CCSER1: variants seen among roughly 807,000 people sequenced by gnomAD.
The protein encoded by CCSER1 is serine-rich coiled-coil domain-containing protein 1.
CCSER1 carries 41 observed loss-of-function variants against 82.0 expected under a neutral mutation model. The ratio of observed to expected loss-of-function variants is 0.50; its 90% CI spans 0.39 to 0.65. The LOEUF (loss-of-function observed/expected upper bound fraction) is 0.65. CCSER1 is among the 30% of genes least tolerant of loss of function. CCSER1 has a pLI of 0.00. For missense variants in CCSER1, 1,119 were observed against 1,064.2 expected (o/e 1.05, Z -0.72); for synonymous variants, 414 against 383.9 (o/e 1.08, Z -0.92).
At chr4:90,561,453 A>C (rs969963361) in intron 5 of CCSER1, among the ~76,000 whole-genome samples, 5 of 152,234 alleles carry the variant, frequency 3.3e-5, no homozygotes, top group African/African-American at 1.2e-4. Flanking sequence ...TCATATAGTC[A>C]AATAGCTCCC....
chr4:91,552,456 T>C (rs2110227977), intron 10 of CCSER1, among the ~76,000 whole-genome samples: 1 of 151,776 alleles, frequency 6.6e-6, no homozygotes, highest in African/African-American at 2.4e-5. Flanking sequence ...ATTAACAAGA[T>C]CATTATACAG....
chr4:91,291,644 C>G (rs183025811), intron 10 of CCSER1, among the ~76,000 whole-genome samples: 1 of 151,902 alleles, frequency 6.6e-6, no homozygotes, highest in African/African-American at 2.4e-5. Flanking sequence ...CTTGCTATCA[C>G]GAGAACAGCA....
intron 8 of CCSER1, among the ~76,000 whole-genome samples, chr4:90,863,539 C>T (rs546430035): frequency 1.2e-4 from 18 of 151,718 alleles, no homozygotes; most frequent in East Asian, 5.8e-4. Flanking sequence ...TTTTTCTTTG[C>T]GTTTCTTTTT....
At chr4:90,795,984 T>TG (rs1755953021) in intron 7 of CCSER1, among the ~76,000 whole-genome samples, 1 of 150,146 alleles carries the variant, frequency 6.7e-6, no homozygotes, top group African/African-American at 2.5e-5. Context: ...CAGGTTTTGG[T>TG]GTCAGGATGA....
intron 10 of CCSER1, among the ~76,000 whole-genome samples, chr4:91,583,296 CTCTA>C (rs959967983): frequency 7.3e-5 from 11 of 151,258 alleles, no homozygotes; most frequent in African/African-American, 2.2e-4. Context: ...ATCAGTATTT[CTCTA>C]TAATATGCTA....
chr4:91,380,943 T>C (rs1750841290), intron 10 of CCSER1, among the ~76,000 whole-genome samples: 1 of 152,186 alleles, frequency 6.6e-6, no homozygotes, highest in African/African-American at 2.4e-5. Flanking sequence ...ACAGGCCTAG[T>C]GGTGACAAAA....
At chr4:91,006,546 G>A (rs995586939) in intron 9 of CCSER1, among the ~76,000 whole-genome samples, 1 of 150,878 alleles carries the variant, frequency 6.6e-6, no homozygotes, top group East Asian at 1.9e-4. Context: ...ATGGAGTGCA[G>A]TGGCGTGATC....
chr4:91,207,103 T>C (rs898226760), intron 10 of CCSER1, among the ~76,000 whole-genome samples: 3 of 151,876 alleles, frequency 2.0e-5, no homozygotes, highest in Non-Finnish European at 4.4e-5. Context: ...CATGGTGGCA[T>C]AATGAGTATT....
chr4:90,909,971 G>T (rs1342351235), intron 8 of CCSER1, among the ~76,000 whole-genome samples: 5 of 152,144 alleles, frequency 3.3e-5, no homozygotes, highest in Non-Finnish European at 7.4e-5. Flanking sequence ...AATTTGTAAA[G>T]AATAGAGGTT....
chr4:91,325,051 C>T, intron 10 of CCSER1: 1 of 397,778 alleles, frequency 2.5e-6, no homozygotes, highest in Non-Finnish European at 4.9e-6. Context: ...GCCATCGGAC[C>T]TGTGGGGCAA....
In CCSER1 at chr4:91,482,541, C is replaced by T. The variant is rs553993251; in HGVS notation, c.2218-116031C>T. Among the ~76,000 whole-genome samples the T allele has an allele frequency of 1.1e-3, 163 of 151,774 alleles. 1 individual carries two copies. The highest frequency in any genetic ancestry group is 3.7e-3 in the African/African-American group (155 of 41,352). Reference sequence around the variant, plus strand: ...CATTCTGGAAGACAGTGTGGTGATTCCTCAAGGATCTAGAACTAGAAATAC... The same window carrying T: ...CATTCTGGAAGACAGTGTGGTGATTTCTCAAGGATCTAGAACTAGAAATAC... On this transcript the variant is annotated intron_variant, in intron 10 of 10. Coordinates refer to ENST00000509176, the MANE Select transcript of CCSER1 (RefSeq NM_001145065.2).
rs1015126344 is a variant in CCSER1 at position 90,631,232 on chromosome 4, T to G, written c.1932+3000T>G. 7.2e-5 allele frequency among the ~76,000 whole-genome samples: 11 copies of G among 152,232 alleles called. No homozygotes were observed. The East Asian group carries it at 1.7e-3, about 24-fold the overall frequency. On this transcript the variant is annotated intron_variant, in intron 6 of 10. Coordinates refer to ENST00000509176, the MANE Select transcript of CCSER1 (RefSeq NM_001145065.2). The stretch of plus-strand genomic sequence containing the variant: ...TTTTTTAATGGCAGGAGGTACCTAT[T>G]TGATTTTAAGGTAAAATAATTACTT...
intron 5 of CCSER1, among the ~76,000 whole-genome samples, chr4:90,597,355 T>C (rs2148726495): frequency 6.6e-6 from 1 of 152,170 alleles, no homozygotes; most frequent in Non-Finnish European, 1.5e-5. Context: ...GTATGTATTT[T>C]GTCTTATTAG....
At chr4:90,634,934 A>G (rs1725150375) in intron 6 of CCSER1, among the ~76,000 whole-genome samples, 1 of 151,820 alleles carries the variant, frequency 6.6e-6, no homozygotes, top group South Asian at 2.1e-4. Flanking sequence ...TGACTATACT[A>G]GTATCAGAGT....
intron 6 of CCSER1, among the ~76,000 whole-genome samples, chr4:90,698,376 A>G (rs1426934982): frequency 6.6e-6 from 1 of 152,154 alleles, no homozygotes; most frequent in Non-Finnish European, 1.5e-5. Flanking sequence ...AGAACTAGAG[A>G]GGAGAGAGAC....
At chr4:91,414,475 A>G (rs571998384) in intron 10 of CCSER1, among the ~76,000 whole-genome samples, 42 of 152,292 alleles carry the variant, frequency 2.8e-4, no homozygotes, top group African/African-American at 9.1e-4. Context: ...ACAAATTTAA[A>G]GGAAGGCAGC....
intron 9 of CCSER1, among the ~76,000 whole-genome samples, chr4:90,928,585 T>C (rs1305386560): frequency 6.6e-6 from 1 of 151,886 alleles, no homozygotes; most frequent in East Asian, 1.9e-4. Context: ...ATGTGAAAAA[T>C]AAAAATAGCA....
rs142573723 is a variant in CCSER1 at position 90,971,260 on chromosome 4, G to A, written c.2172+47813G>A. On this transcript the variant is annotated intron_variant, in intron 9 of 10. Transcript: ENST00000509176. Reference sequence around the variant, plus strand: ...CCTCAGGAAACTTAGAATCATGGTGGAAGGTGAAGAGGAAGCATGCACCAT... The same window carrying A: ...CCTCAGGAAACTTAGAATCATGGTGAAAGGTGAAGAGGAAGCATGCACCAT... Among the ~76,000 whole-genome samples, 140 of 151,996 alleles carry A rather than the reference G, an allele frequency of 9.2e-4. No individual in the cohort carries two copies. The Middle Eastern group carries it at 0.027, about 30-fold the overall frequency.
intron 10 of CCSER1, among the ~76,000 whole-genome samples, chr4:91,276,887 CT>C (rs891859965): frequency 6.6e-6 from 1 of 151,912 alleles, no homozygotes; most frequent in Non-Finnish European, 1.5e-5. Context: ...TTTCCAAATG[CT>C]TTTTTACAAC....
Sources: gnomAD v4.1 joint callset for allele counts (sites outside exome capture counted in the v4.1 genomes callset) on GRCh38, gnomAD v4.1.1 for gene constraint, MANE v1.5 for transcripts, NCBI Gene and HGNC (gene_info 2026-07-23, HGNC 2026-07-21) for gene names.